DMAC2L: variants seen among roughly 807,000 people sequenced by gnomAD.
DMAC2L encodes the protein distal membrane arm assembly component 2 like.
Under a neutral mutation model 22.5 loss-of-function variants are expected in DMAC2L, and 21 were observed. The ratio of observed to expected loss-of-function variants is 0.93; its 90% confidence interval spans 0.66 to 1.34. DMAC2L has a LOEUF of 1.34. DMAC2L is among the 40% of genes most tolerant of loss of function. DMAC2L has a pLI of 0.00. For missense variants in DMAC2L, 239 were observed against 246.5 expected (o/e 0.97, Z 0.20); for synonymous variants, 86 against 89.5 (o/e 0.96, Z 0.22).
rs1297245421 is a variant in DMAC2L at position 50,327,318 on chromosome 14, G to C, written c.*1595G>C. The C allele has an allele frequency of 1.5e-5, 2 of 137,730 alleles. No homozygotes were observed. The highest frequency in any genetic ancestry group is 3.1e-5 in the Non-Finnish European group (2 of 64,982). The allele number at this position is 137,730 out of a possible 1,614,324, so 8.5% of individuals were successfully genotyped here. ...CCACTGCACTCCAGCCTGGGCAACA[G>C]ATTAAGACCCTGTCTCAAAAAAAAA... On this transcript the variant is annotated 3_prime_UTR_variant, in exon 6 of 6. Coordinates refer to ENST00000557421, the MANE Select transcript of DMAC2L (RefSeq NM_001382507.1).
intron 5 of DMAC2L, among the ~76,000 whole-genome samples, chr14:50,324,865 T>G (rs1455660894): frequency 6.6e-6 from 1 of 152,160 alleles, no homozygotes; most frequent in Non-Finnish European, 1.5e-5. Flanking sequence ...AACTTCCGCT[T>G]CCTGGGTTCA....
At chr14:50,316,475 A>G (rs538059264) in intron 2 of DMAC2L, among the ~76,000 whole-genome samples, 112 of 152,322 alleles carry the variant, frequency 7.4e-4, no homozygotes, top group African/African-American at 2.6e-3. Context: ...GCCTAAGCCA[A>G]TGTCTAGAAG....
At chr14:50,323,583 A>G (rs113578523) in intron 4 of DMAC2L, among the ~76,000 whole-genome samples, 22 of 151,310 alleles carry the variant, frequency 1.5e-4, no homozygotes, top group African/African-American at 5.1e-4. Context: ...TAGTAGAGAC[A>G]AGGTTTTGCC....
intron 1 of DMAC2L, chr14:50,312,848 T>G: frequency 1.5e-6 from 1 of 667,850 alleles, no homozygotes; most frequent in Non-Finnish European, 2.6e-6. Context: ...ACTTCTTTTA[T>G]GGGGCTCCTG....
chr14:50,312,160 A>G, upstream of DMAC2L: 1 of 1,609,132 alleles, frequency 6.2e-7, no homozygotes, highest in Non-Finnish European at 8.5e-7. Context: ...TCCCCTACGC[A>G]CGCTCCCCTC....
At chr14:50,311,989 G>A (rs1452983811), upstream of DMAC2L, 2 of 1,551,034 alleles carry the variant, frequency 1.3e-6, no homozygotes, top group African/African-American at 1.4e-5. Flanking sequence ...GCAGGCGGCG[G>A]GGAGGACCAG....
chr14:50,313,065 C>T, intron 1 of DMAC2L: 11 of 1,607,672 alleles, frequency 6.8e-6, no homozygotes, highest in Non-Finnish European at 8.5e-6. Context: ...GTGCAGGTCA[C>T]TTCACCTGAT....
intron 1 of DMAC2L, among the ~76,000 whole-genome samples, chr14:50,313,944 G>A (rs1040788626): frequency 6.6e-6 from 1 of 152,150 alleles, no homozygotes; most frequent in South Asian, 2.1e-4. Flanking sequence ...TATCAAGAAT[G>A]TTACATAAAT....
chr14:50,322,550 G>A lies in DMAC2L; in HGVS notation c.147G>A (p.Arg49=), dbSNP rs768563538. The change falls in exon 4 of 6, where the codon AGG becomes AGA. Residue 49 remains arginine, a synonymous_variant. Coordinates refer to ENST00000557421, the MANE Select transcript of DMAC2L (RefSeq NM_001382507.1). ...GCATCAGGGATGTTGGCCCTGACAG[G>A]GCGGCATCCGAGTGGTTGCTGCGCT... ...YDRIRDVGPD[R]AASEWLLRCG... The A allele has an allele frequency of 1.9e-6, 3 of 1,613,642 alleles. No homozygotes were observed. Among genetic ancestry groups the A allele is most frequent in the South Asian group, 2.2e-5 (2 of 91,074 alleles).
intron 1 of DMAC2L, among the ~76,000 whole-genome samples, chr14:50,313,778 A>G (rs565655687): frequency 1.1e-4 from 17 of 152,262 alleles, no homozygotes; most frequent in South Asian, 6.2e-4. Flanking sequence ...ATTTAGTTCT[A>G]TATGGTTATC....
chr14:50,317,230 T>C (rs2031881916), intron 2 of DMAC2L, among the ~76,000 whole-genome samples: 1 of 152,220 alleles, frequency 6.6e-6, no homozygotes, highest in South Asian at 2.1e-4. Context: ...GATTCTCAGC[T>C]TGGTCACTGT....
intron 1 of DMAC2L, chr14:50,312,923 C>G (rs1431906889): frequency 1.4e-6 from 2 of 1,408,780 alleles, no homozygotes; most frequent in South Asian, 1.2e-5. Context: ...TGTACTCGAC[C>G]CGGCACTGGG....
chr14:50,323,539 G>A (rs1436665204), intron 4 of DMAC2L, among the ~76,000 whole-genome samples: 4 of 151,904 alleles, frequency 2.6e-5, no homozygotes, highest in East Asian at 1.9e-4. Flanking sequence ...GACTACAGGT[G>A]TGCACTACCA....
At chr14:50,322,917 C>T (rs2032402013) in intron 4 of DMAC2L, 198 bp downstream of exon 4, 1 of 1,434,882 alleles carries the variant, frequency 7.0e-7, no homozygotes, top group Non-Finnish European at 9.1e-7. Context: ...TTCCTCCTCT[C>T]ACTAAGCTTG....
In DMAC2L at chr14:50,324,031, A is replaced by G. The variant is rs764380960; in HGVS notation, c.403A>G (p.Asn135Asp). 1 of 1,614,148 alleles carries G rather than the reference A, an allele frequency of 6.2e-7. No homozygotes were observed. The highest frequency in any genetic ancestry group is 8.5e-7 in the Non-Finnish European group (1 of 1,180,008). Residue 135 changes from asparagine to aspartate, a missense_variant, in exon 5 of 6, where the codon AAT becomes GAT. Coordinates refer to ENST00000557421, the MANE Select transcript of DMAC2L (RefSeq NM_001382507.1). ...DCLLRLSQLE[N>D]LQKTILEMEI... The stretch of plus-strand genomic sequence containing the variant: ...TTTGCTGAGACTTAGTCAACTTGAA[A>G]ATTTACAAAAAACCATATTGGAAAT...
At chr14:50,312,024 T>C, upstream of DMAC2L, 3 of 1,570,666 alleles carry the variant, frequency 1.9e-6, no homozygotes, top group Non-Finnish European at 2.6e-6. Flanking sequence ...GTGCTGGCGC[T>C]GCGGCTACCT....
chr14:50,315,651 A>ATTCTGTT (rs1469784183), intron 2 of DMAC2L, among the ~76,000 whole-genome samples: 4 of 112,770 alleles, frequency 3.5e-5, no homozygotes, highest in Non-Finnish European at 6.8e-5. Flanking sequence ...ACAGAGCAAG[A>ATTCTGTT]TTCTGTTTCA....
chr14:50,312,743 C>A (rs766116993), intron 1 of DMAC2L: 46 of 439,218 alleles, frequency 1.0e-4, no homozygotes, highest in Non-Finnish European at 1.7e-4. Context: ...CCCAGTCGAG[C>A]GTCCACTAGA....
Position 50,314,577 on chromosome 14 carries a change from T to C in DMAC2L, c.-41-14T>C, listed in dbSNP as rs756857853. The C allele has an allele frequency of 2.2e-6, 1 of 455,880 alleles. No individual in the cohort carries two copies. The allele number at this position is 455,880 out of a possible 1,614,324, so 28.2% of individuals were successfully genotyped here. ...TGTACAGCCTTTTGTGTGAACCTGT[T>C]TTTGTTTCTCTAGGATAAGTGCCCA... On this transcript the variant is annotated splice_polypyrimidine_tract_variant and intron_variant, in intron 1 of 5. Coordinates refer to ENST00000557421, the MANE Select transcript of DMAC2L (RefSeq NM_001382507.1).
Sources: allele counts gnomAD v4.1 joint callset (sites outside exome capture counted in the v4.1 genomes callset), GRCh38; gene constraint gnomAD v4.1.1; transcripts MANE v1.5; gene names NCBI Gene and HGNC (gene_info 2026-07-23, HGNC 2026-07-21).